Variants in EML5 observed in about 807,000 individuals in gnomAD.
EML5 encodes the protein echinoderm microtubule-associated protein-like 5.
A neutral mutation model predicts 250.0 loss-of-function variants in EML5; 120 were observed. The observed-to-expected ratio is 0.48, with a 90% confidence interval of 0.41 to 0.56. The LOEUF is 0.56. EML5 is among the 20% of genes least tolerant of loss of function. The pLI, the probability that EML5 is intolerant of heterozygous loss-of-function variation, is 0.00. For missense variants in EML5, 2,006 were observed against 2,437.6 expected, an observed-to-expected ratio of 0.82 and a Z score of 3.73; for synonymous variants, 771 against 806.5, an observed-to-expected ratio of 0.96 and a Z score of 0.75.
chr14:88,667,152 G>A (rs1160243833), intron 21 of EML5, among the ~76,000 whole-genome samples: 1 of 152,152 alleles, frequency 6.6e-6, no homozygotes, highest in Non-Finnish European at 1.5e-5. Flanking sequence ...TTAAGTTAAA[G>A]ATGCCTATGA....
intron 43 of EML5, 52 bp from the exon 44 acceptor site, chr14:88,615,906 A>G (rs1199330705): frequency 8.3e-6 from 13 of 1,567,416 alleles, no homozygotes; most frequent in African/African-American, 8.1e-5. Flanking sequence ...TTAGATTTTC[A>G]TAACAGTTTA....
chr14:88,670,752 C>A (rs1202950621), intron 21 of EML5, among the ~76,000 whole-genome samples: 2 of 151,992 alleles, frequency 1.3e-5, no homozygotes, highest in African/African-American at 2.4e-5. Context: ...AAAAACACAA[C>A]CAAGAATGTT....
intron 24 of EML5, among the ~76,000 whole-genome samples, chr14:88,662,537 T>C (rs566318856): frequency 1.5e-5 from 2 of 130,544 alleles, no homozygotes; most frequent in African/African-American, 5.7e-5. Context: ...GCAAGTGATT[T>C]ATTCCTTTTT....
At chr14:88,699,737 T>C (rs2093164951) in intron 14 of EML5, among the ~76,000 whole-genome samples, 1 of 152,098 alleles carries the variant, frequency 6.6e-6, no homozygotes, top group Non-Finnish European at 1.5e-5. Flanking sequence ...GAATGGGTGC[T>C]ACTTGAGGAC....
chr14:88,687,300 T>C lies in EML5; in HGVS notation c.2770A>G (p.Ile924Val), dbSNP rs557884080. The change falls in exon 19 of 44, where the codon ATA becomes GTA. Residue 924 changes from isoleucine to valine, a missense_variant. By Grantham distance (29) the Ile-to-Val change is conservative. This residue lies in a region of EML5 where 1,375 missense variants were observed against 1,590.3 expected (regional missense o/e 0.86). Coordinates refer to ENST00000554922, the MANE Select transcript of EML5 (RefSeq NM_183387.3). ...KGFVTGGKDG[I>V]VALWDDSFER... ...AAAGAGTCATCCCAAAGAGCTACTA[T>C]ACCATCTTTTCCTCCAGTTACAAAC... 3 of 1,609,672 alleles carry C rather than the reference T, an allele frequency of 1.9e-6. No homozygotes were observed. Among genetic ancestry groups the C allele is most frequent in the Non-Finnish European group, 8.5e-7 (1 of 1,178,588 alleles).
intron 8 of EML5, among the ~76,000 whole-genome samples, chr14:88,720,776 G>A (rs1210603542): frequency 6.6e-6 from 1 of 152,054 alleles, no homozygotes; most frequent in Non-Finnish European, 1.5e-5. Flanking sequence ...TTCTGGCCAG[G>A]GAAATGAGAC....
At chr14:88,676,955 C>T (rs537836541) in intron 21 of EML5, among the ~76,000 whole-genome samples, 6 of 152,264 alleles carry the variant, frequency 3.9e-5, no homozygotes, top group South Asian at 2.1e-4. Context: ...CCCAGACTGA[C>T]GTGCAGTGGC....
Position 88,704,981 on chromosome 14 carries a change from T to C in EML5, c.1933-3A>G, listed in dbSNP as rs781266933. On this transcript the variant is annotated splice_region_variant and splice_polypyrimidine_tract_variant and intron_variant, in intron 12 of 43. Transcript: ENST00000554922. ...TGAGGTAGATCTTCTTTGTAAACCT[T>C]TAAAAATGTATACAAGTAGAAATAT... is the stretch of plus-strand genomic sequence containing the variant. 3 of 1,583,686 alleles carry C rather than the reference T, an allele frequency of 1.9e-6. No homozygotes were observed. The highest frequency in any genetic ancestry group is 1.7e-5 in the Admixed American group (1 of 58,946).
At position 88,741,164 on chromosome 14, in the gene EML5, G is replaced by GA. The variant is rs201039602; in HGVS notation, c.526-593dup. Reference sequence around the variant, plus strand: ...GGCGCAGAGTGAGACTCCGTCTCAAGAAAAAAAAAAATTTTAGGTTAAAAA... The same window carrying GA: ...GGCGCAGAGTGAGACTCCGTCTCAAGAAAAAAAAAAAATTTTAGGTTAAAAA... On this transcript the variant is annotated intron_variant, in intron 4 of 43. Transcript: ENST00000554922. Among the ~76,000 whole-genome samples, 1,138 of 143,356 alleles carry GA rather than the reference G, an allele frequency of 7.9e-3. 8 individuals are homozygous for GA. Among genetic ancestry groups the GA allele is most frequent in the Non-Finnish European group, 0.013 (866 of 65,134 alleles). 94.0% of individuals were successfully genotyped at this position (143,356 alleles called of 152,430 possible).
At chr14:88,693,937 A>T (rs2093018889) in intron 17 of EML5, among the ~76,000 whole-genome samples, 1 of 137,260 alleles carries the variant, frequency 7.3e-6, no homozygotes, top group Non-Finnish European at 1.6e-5. Flanking sequence ...TGCCCAGCTA[A>T]TTTTTTTTTT....
Position 88,746,029 on chromosome 14 carries a change from A to T in EML5, c.456+156T>A, listed in dbSNP as rs140070067. On this transcript the variant is annotated intron_variant, in intron 3 of 43. Coordinates refer to ENST00000554922, the MANE Select transcript of EML5 (RefSeq NM_183387.3). ...TACATATGTACTCTAACACTTTAAG[A>T]CTTTTTACATCTGTACAATTATTTA... Among the ~76,000 whole-genome samples, 311 of 152,342 alleles carry T rather than the reference A, an allele frequency of 2.0e-3. 3 individuals are homozygous for T. The highest frequency in any genetic ancestry group is 7.0e-3 in the African/African-American group (293 of 41,586).
chr14:88,739,055 T>A (rs777336067), intron 5 of EML5, 41 bp from the exon 6 acceptor site: 2 of 1,545,570 alleles, frequency 1.3e-6, no homozygotes, highest in Admixed American at 4.1e-5. Flanking sequence ...AAATATTTTT[T>A]AAGAACATCT....
chr14:88,700,339 C>G (rs2093181256), intron 14 of EML5, among the ~76,000 whole-genome samples: 1 of 151,868 alleles, frequency 6.6e-6, no homozygotes, highest in Non-Finnish European at 1.5e-5. Context: ...GTGCTTCTTA[C>G]AAAAGGGAAG....
intron 20 of EML5, among the ~76,000 whole-genome samples, chr14:88,683,942 C>T (rs2092770354): frequency 6.6e-6 from 1 of 152,086 alleles, no homozygotes; most frequent in South Asian, 2.1e-4. Context: ...TAACAATGTA[C>T]TGGAGGTTCT....
chr14:88,706,124 C>G (rs556303032), intron 11 of EML5, 135 bp downstream of exon 11: 1 of 804,914 alleles, frequency 1.2e-6, no homozygotes, highest in East Asian at 2.8e-5. Context: ...AATATTTTAA[C>G]TTGAAATTTC....
Position 88,620,934 on chromosome 14 carries a change from TAAAAA to T in EML5, c.5203-13_5203-9del, listed in dbSNP as rs35953031. The T allele has an allele frequency of 2.6e-5, 35 of 1,372,336 alleles. No individual in the cohort carries two copies. Among genetic ancestry groups the T allele is most frequent in the South Asian group, 1.9e-4 (12 of 62,302 alleles). The allele number at this position is 1,372,336 out of a possible 1,614,324, so 85.0% of individuals were successfully genotyped here. A position where few individuals can be genotyped will look rare whatever the true frequency, so the allele number is the denominator to read the frequency against. On this transcript the variant is annotated splice_polypyrimidine_tract_variant and intron_variant, in intron 38 of 43. Transcript: ENST00000554922. The surrounding 1 kb of genome is among the most constrained non-coding windows in gnomAD (Gnocchi z 4.3). ...CACTTTGTTTAACATCTTCTGCATT[TAAAAA>T]AAAAAAAAAAAAGAGTCATAGGAAA...
chr14:88,740,340 G>A, intron 5 of EML5, 47 bp downstream of exon 5: 1 of 1,487,966 alleles, frequency 6.7e-7, no homozygotes, highest in Non-Finnish European at 9.1e-7. Flanking sequence ...CTAAGACAAG[G>A]TTAAGTAATA....
At chr14:88,708,121 C>T (rs190378120) in intron 10 of EML5, among the ~76,000 whole-genome samples, 94 of 152,190 alleles carry the variant, frequency 6.2e-4, no homozygotes, top group Admixed American at 2.1e-3. Context: ...ACCAAGGCAG[C>T]TAAACAAGAA....
chr14:88,727,461 G>C (rs972680529), intron 7 of EML5, among the ~76,000 whole-genome samples: 2 of 148,830 alleles, frequency 1.3e-5, no homozygotes, highest in African/African-American at 5.0e-5. Flanking sequence ...GAGTGCAATG[G>C]TGTGATCTCG....
Sources: allele counts gnomAD v4.1 joint callset (sites outside exome capture counted in the v4.1 genomes callset), GRCh38; gene constraint gnomAD v4.1.1; regional missense constraint gnomAD v4.1.1; non-coding constraint Gnocchi (gnomAD v3.1); transcripts MANE v1.5; gene names NCBI Gene and HGNC (gene_info 2026-07-23, HGNC 2026-07-21).